Variants in PPP2R2C observed in about 807,000 individuals in gnomAD.
The protein encoded by PPP2R2C is protein phosphatase 2, regulatory subunit B, gamma.
Under a neutral mutation model 45.3 loss-of-function variants are expected in PPP2R2C, and 10 were observed. The observed-to-expected ratio is 0.22, with a 90% CI of 0.14 to 0.37. The LOEUF (loss-of-function observed/expected upper bound fraction) is 0.37, where lower values mean the gene tolerates loss of function less well. Ranked by LOEUF, PPP2R2C falls within the 10% of genes least tolerant of loss-of-function variation. The probability of loss-of-function intolerance (pLI) is 1.00; values close to 1 mark genes in which losing one functional copy is unlikely to be tolerated. For synonymous variants in PPP2R2C, 257 were observed against 245.4 expected (o/e 1.05, Z -0.44); for missense variants, 308 against 619.7 (o/e 0.50, Z 5.34).
At chr4:6,461,409 C>T (rs1218480043) in intron 1 of PPP2R2C, among the ~76,000 whole-genome samples, 3 of 152,186 alleles carry the variant, frequency 2.0e-5, no homozygotes, top group Non-Finnish European at 2.9e-5. Context: ...CCAGGGACTA[C>T]ATTTCCTAGA....
At chr4:6,414,297 G>A (rs570101493) in intron 1 of PPP2R2C, among the ~76,000 whole-genome samples, 32 of 152,216 alleles carry the variant, frequency 2.1e-4, no homozygotes, top group African/African-American at 6.3e-4. Context: ...CTACATGTAC[G>A]AAAGGAACCA....
chr4:6,348,840 C>A lies in PPP2R2C; in HGVS notation c.626-830G>T, dbSNP rs893789235. ...CAAGCTGCACCTGAAGCCATTCCCCCCAGACTGCTAAATGTGGGAGCCAAT... is the reference window on the plus strand; with the variant it reads ...CAAGCTGCACCTGAAGCCATTCCCCACAGACTGCTAAATGTGGGAGCCAAT... On this transcript the variant is annotated intron_variant, in intron 5 of 8. Coordinates refer to ENST00000382599, the MANE Select transcript of PPP2R2C (RefSeq NM_020416.4). The A allele has an allele frequency of 4.6e-6, 3 of 654,420 alleles. No individual in the cohort carries two copies. In the African/African-American group the frequency reaches 5.9e-5, roughly 13 times the overall value. 40.5% of individuals were successfully genotyped at this position (654,420 alleles called of 1,614,324 possible).
At chr4:6,511,390 GTGA>G (rs1266440440) in intron 2 of PPP2R2C, among the ~76,000 whole-genome samples, 47 of 150,604 alleles carry the variant, frequency 3.1e-4, no homozygotes, top group Non-Finnish European at 5.2e-4. Context: ...GGTGGTGATG[GTGA>G]TGGTGGTGAT....
At chr4:6,393,010 A>T (rs181211504) in intron 1 of PPP2R2C, among the ~76,000 whole-genome samples, 1 of 152,218 alleles carries the variant, frequency 6.6e-6, no homozygotes, top group Non-Finnish European at 1.5e-5. Flanking sequence ...GCGTTGCATC[A>T]TGATGATTTT....
chr4:6,472,422 C>T lies in PPP2R2C; in HGVS notation c.-193G>A. ...GGGGCGGGCGCCGCGGTCAAGCGAG[C>T]GCGCGGTGGGCGGGCGGCGGCCGCG... is the stretch of plus-strand genomic sequence containing the variant. On this transcript the variant is annotated 5_prime_UTR_variant, in exon 1 of 9. Transcript: ENST00000382599. 6.0e-6 allele frequency: 4 copies of T among 662,704 alleles called. No homozygotes were observed. The highest frequency in any genetic ancestry group is 7.4e-6 in the Non-Finnish European group (4 of 538,084). The allele number at this position is 662,704 out of a possible 1,614,324, so 41.1% of individuals were successfully genotyped here. A position where few individuals can be genotyped will look rare whatever the true frequency, so the allele number is the denominator to read the frequency against.
chr4:6,386,269 T>C (rs962907386), intron 1 of PPP2R2C, among the ~76,000 whole-genome samples: 3 of 152,174 alleles, frequency 2.0e-5, no homozygotes, highest in Admixed American at 1.3e-4. Context: ...GCCTGTGTCA[T>C]AGGGCTGCCA....
chr4:6,497,675 T>A (rs1722920902), intron 2 of PPP2R2C, among the ~76,000 whole-genome samples: 1 of 152,190 alleles, frequency 6.6e-6, no homozygotes, highest in African/African-American at 2.4e-5. Flanking sequence ...TTCTGCTACA[T>A]TAAAATCATC....
At chr4:6,327,870 C>G (rs1732085911) in intron 8 of PPP2R2C, among the ~76,000 whole-genome samples, 1 of 152,170 alleles carries the variant, frequency 6.6e-6, no homozygotes, top group Non-Finnish European at 1.5e-5. Context: ...ATGTTGGCAA[C>G]TCTCTCAGAA....
intron 6 of PPP2R2C, among the ~76,000 whole-genome samples, chr4:6,338,182 AT>A (rs1371423845): frequency 6.6e-6 from 1 of 152,166 alleles, no homozygotes; most frequent in African/African-American, 2.4e-5. Flanking sequence ...CAAAGCCCCC[AT>A]CACTTGTGAT....
At chr4:6,529,913 G>A (rs1391937914) in intron 2 of PPP2R2C, among the ~76,000 whole-genome samples, 2 of 152,180 alleles carry the variant, frequency 1.3e-5, no homozygotes, top group Non-Finnish European at 2.9e-5. Flanking sequence ...GGACAGCAGC[G>A]AATGGGAGGA....
chr4:6,410,621 G>T (rs6830207), intron 1 of PPP2R2C, among the ~76,000 whole-genome samples: 21,107 of 151,970 alleles, frequency 0.14, 2,057 homozygotes, highest in East Asian at 0.42. Flanking sequence ...CTGGTCTGCA[G>T]GTGTGTGAGG....
chr4:6,555,288 G>C lies in PPP2R2C; in HGVS notation c.-59+8272C>G, dbSNP rs58080582. ...ATGGGAACATTCAGACCACCACACA[G>C]CCCCAACACACTAACACAGTGGCCA... On this transcript the variant is annotated intron_variant, in intron 1 of 9. Transcript: ENST00000506140. 0.026 allele frequency among the ~76,000 whole-genome samples: 3,893 copies of C among 152,292 alleles called. 212 individuals are homozygous for C. The highest frequency in any genetic ancestry group is 0.23 in the East Asian group (1,198 of 5,168).
At position 6,430,916 on chromosome 4, in the gene PPP2R2C, C is replaced by T. The variant is rs1008678741; in HGVS notation, c.70+41244G>A. ...CTCCAGCCTGGGCGACAGAGCAAGA[C>T]TCTGTCTCAAAAAAACAACAACAAC... is the stretch of plus-strand genomic sequence containing the variant. On this transcript the variant is annotated intron_variant, in intron 1 of 8. Transcript: ENST00000382599. Among the ~76,000 whole-genome samples the T allele has an allele frequency of 2.1e-5, 3 of 143,770 alleles. No homozygotes were observed. The South Asian group carries it at 7.0e-4, about 34-fold the overall frequency. 94.3% of individuals were successfully genotyped at this position (143,770 alleles called of 152,430 possible).
intron 5 of PPP2R2C, among the ~76,000 whole-genome samples, chr4:6,367,107 G>A (rs529040488): frequency 1.6e-4 from 24 of 152,138 alleles, no homozygotes; most frequent in East Asian, 3.9e-4. Flanking sequence ...TGACTACACC[G>A]AGACAGGTCA....
At chr4:6,500,558 G>A (rs1444848071) in intron 2 of PPP2R2C, among the ~76,000 whole-genome samples, 1 of 152,182 alleles carries the variant, frequency 6.6e-6, no homozygotes, top group Non-Finnish European at 1.5e-5. Flanking sequence ...ATTTGGAAGG[G>A]GCCCATCACA....
chr4:6,526,366 A>G (rs1577239834), intron 2 of PPP2R2C, among the ~76,000 whole-genome samples: 1 of 152,302 alleles, frequency 6.6e-6, no homozygotes, highest in Non-Finnish European at 1.5e-5. Context: ...GCAGCCCTTC[A>G]TGAGGAAGAA....
At chr4:6,525,829 G>A (rs571580012) in intron 2 of PPP2R2C, among the ~76,000 whole-genome samples, 15 of 152,102 alleles carry the variant, frequency 9.9e-5, no homozygotes, top group Admixed American at 2.0e-4. Flanking sequence ...TCAGCCTCCC[G>A]AATAGCTGGG....
At chr4:6,344,214 G>T (rs920819825) in intron 6 of PPP2R2C, among the ~76,000 whole-genome samples, 1 of 152,392 alleles carries the variant, frequency 6.6e-6, no homozygotes, top group African/African-American at 2.4e-5. Context: ...ATCCGGAGAG[G>T]AGTGGAATCT....
At chr4:6,500,292 C>T (rs945196516) in intron 2 of PPP2R2C, among the ~76,000 whole-genome samples, 1 of 152,218 alleles carries the variant, frequency 6.6e-6, no homozygotes, top group Admixed American at 6.5e-5. Context: ...GGATTATAGG[C>T]GCACACCACC....
Sources: gnomAD v4.1 joint callset for allele counts (sites outside exome capture counted in the v4.1 genomes callset) on GRCh38, gnomAD v4.1.1 for gene constraint, MANE v1.5 for transcripts, NCBI Gene and HGNC (gene_info 2026-07-23, HGNC 2026-07-21) for gene names.